The following NAALADL2 variants were observed in gnomAD, a reference collection of about 807,000 sequenced individuals.
The protein encoded by NAALADL2 is inactive N-acetylated-alpha-linked acidic dipeptidase-like protein 2.
A neutral mutation model predicts 87.2 loss-of-function variants in NAALADL2; 76 were observed. The observed-to-expected ratio is 0.87, with a 90% confidence interval of 0.72 to 1.05. NAALADL2 has a LOEUF of 1.05. NAALADL2 is among the 50% of genes least tolerant of loss of function. The probability of loss-of-function intolerance (pLI) is 0.00; values close to 1 mark genes in which losing one functional copy is unlikely to be tolerated. For missense variants in NAALADL2, 1,089 were observed against 945.8 expected, an observed-to-expected ratio of 1.15 and a Z score of -1.99; for synonymous variants, 354 against 331.0, an observed-to-expected ratio of 1.07 and a Z score of -0.75.
chr3:175,010,684 ATCTTCT>A (rs1260489164), intron 1 of NAALADL2, among the ~76,000 whole-genome samples: 4 of 152,100 alleles, frequency 2.6e-5, no homozygotes, highest in Non-Finnish European at 5.9e-5. Flanking sequence ...TGCTGATGAG[ATCTTCT>A]TGCCTATGTC....
At position 175,803,817 on chromosome 3, in the gene NAALADL2, T is replaced by G. The variant is rs1198817884; in HGVS notation, c.*614T>G. On this transcript the variant is annotated 3_prime_UTR_variant, in exon 14 of 14. Transcript: ENST00000454872. The stretch of plus-strand genomic sequence containing the variant: ...TTAATGAAAAAAGAGCCATAAGCAT[T>G]CCAGGAGAAAATCTCAAGGGAGCTA... 1 of 152,360 alleles carries G rather than the reference T, an allele frequency of 6.6e-6. No individual in the cohort carries two copies. The highest frequency in any genetic ancestry group is 1.5e-5 in the Non-Finnish European group (1 of 67,890). The allele number at this position is 152,360 out of a possible 1,614,324, so 9.4% of individuals were successfully genotyped here. A position where few individuals can be genotyped will look rare whatever the true frequency, so the allele number is the denominator to read the frequency against.
At chr3:175,393,896 G>T in intron 5 of NAALADL2, among the ~76,000 whole-genome samples, 1 of 152,142 alleles carries the variant, frequency 6.6e-6, no homozygotes, top group East Asian at 1.9e-4. Flanking sequence ...TTTTGGAGAT[G>T]AATTTAAGCC....
chr3:174,832,678 A>G (rs1722866607), intron 3 of NAALADL2, among the ~76,000 whole-genome samples: 1 of 151,978 alleles, frequency 6.6e-6, no homozygotes, highest in Non-Finnish European at 1.5e-5. Flanking sequence ...GTGTTAGCCA[A>G]GATGGTCTCG....
At chr3:174,442,025 GA>G (rs2108254641) in intron 1 of NAALADL2, among the ~76,000 whole-genome samples, 1 of 151,834 alleles carries the variant, frequency 6.6e-6, no homozygotes, top group South Asian at 2.1e-4. Flanking sequence ...TCTGTTGAAG[GA>G]ATACATCTTG....
chr3:175,394,899 C>T (rs1295398179), intron 5 of NAALADL2, among the ~76,000 whole-genome samples: 1 of 152,154 alleles, frequency 6.6e-6, no homozygotes, highest in Non-Finnish European at 1.5e-5. Flanking sequence ...ACAATTCATT[C>T]TTACCTCCGA....
At position 175,343,668 on chromosome 3, in the gene NAALADL2, TTTTTTTTTC is replaced by T. The variant is rs1281504257; in HGVS notation, c.1090+19344_1090+19352del. On this transcript the variant is annotated intron_variant, in intron 5 of 13. Coordinates refer to ENST00000454872, the MANE Select transcript of NAALADL2 (RefSeq NM_207015.3). ...TGTCTTGATCATGTTTTTTTTTTTT[TTTTTTTTTC>T]CCTTCCCACTGATCAAACTAGGAAA... Among the ~76,000 whole-genome samples the T allele has an allele frequency of 2.7e-5, 4 of 145,572 alleles. 1 individual carries two copies. The highest frequency in any genetic ancestry group is 4.5e-5 in the Non-Finnish European group (3 of 66,008).
chr3:174,692,252 GA>G (rs1481170797), intron 2 of NAALADL2, among the ~76,000 whole-genome samples: 1 of 152,174 alleles, frequency 6.6e-6, no homozygotes, highest in African/African-American at 2.4e-5. Context: ...AATCGATTTT[GA>G]AATCAAGTAA....
chr3:175,206,963 C>A (rs1285756191), intron 2 of NAALADL2, among the ~76,000 whole-genome samples: 1 of 151,974 alleles, frequency 6.6e-6, no homozygotes, highest in South Asian at 2.1e-4. Context: ...GCAGTGCATG[C>A]GAATATGTCA....
At chr3:175,132,974 G>T (rs1728393867) in intron 2 of NAALADL2, among the ~76,000 whole-genome samples, 2 of 151,630 alleles carry the variant, frequency 1.3e-5, no homozygotes, top group African/African-American at 4.8e-5. Flanking sequence ...CAGACGGGGC[G>T]GCCGGGCAGA....
intron 1 of NAALADL2, among the ~76,000 whole-genome samples, chr3:175,013,281 A>G (rs1750350879): frequency 1.3e-5 from 1 of 75,974 alleles, no homozygotes; most frequent in South Asian, 3.7e-4. Flanking sequence ...ATATATACAT[A>G]TATATATATA....
intron 3 of NAALADL2, among the ~76,000 whole-genome samples, chr3:174,776,986 A>G (rs1715293338): frequency 6.6e-6 from 1 of 152,150 alleles, no homozygotes. Context: ...GAAGTAGTGG[A>G]AAGCTATATA....
chr3:175,349,835 T>C (rs1220330713), intron 5 of NAALADL2, among the ~76,000 whole-genome samples: 1 of 152,116 alleles, frequency 6.6e-6, no homozygotes, highest in Non-Finnish European at 1.5e-5. Flanking sequence ...CTGGAAACTG[T>C]CTACCTGCTT....
In NAALADL2 at chr3:174,994,067, C is replaced by G. The variant is rs535800351; in HGVS notation, c.44-102723C>G. Among the ~76,000 whole-genome samples, 4 of 152,270 alleles carry G rather than the reference C, an allele frequency of 2.6e-5. No individual in the cohort carries two copies. The South Asian group carries it at 8.3e-4, about 32-fold the overall frequency. ...TTAACTTGCTTGCATCTGCAAAGAC[C>G]CTATTTCCAAATTCGATCACATTCA... On this transcript the variant is annotated intron_variant, in intron 1 of 13. Transcript: ENST00000454872.
intron 13 of NAALADL2, among the ~76,000 whole-genome samples, chr3:175,786,661 C>A (rs1320110985): frequency 6.6e-6 from 1 of 152,118 alleles, no homozygotes; most frequent in East Asian, 1.9e-4. Context: ...TCTCGTAGCT[C>A]AGAGTAATTT....
At chr3:175,017,359 T>G (rs1750976531) in intron 1 of NAALADL2, among the ~76,000 whole-genome samples, 1 of 152,086 alleles carries the variant, frequency 6.6e-6, no homozygotes. Context: ...CAACCATCCT[T>G]CAAGGTGGAT....
intron 2 of NAALADL2, among the ~76,000 whole-genome samples, chr3:174,600,394 A>G (rs907192091): frequency 1.3e-5 from 2 of 152,102 alleles, no homozygotes; most frequent in Admixed American, 6.6e-5. Flanking sequence ...TTTACAATAT[A>G]CCTTCAGTGA....
chr3:174,971,494 T>C (rs1579794378), intron 1 of NAALADL2, among the ~76,000 whole-genome samples: 1 of 152,188 alleles, frequency 6.6e-6, no homozygotes, highest in Non-Finnish European at 1.5e-5. Flanking sequence ...ACCCCTTTTA[T>C]GGTCTTTACA....
chr3:174,934,688 A>G (rs1737419091), intron 1 of NAALADL2, among the ~76,000 whole-genome samples: 1 of 152,040 alleles, frequency 6.6e-6, no homozygotes, highest in Admixed American at 6.6e-5. Flanking sequence ...ACAACAAAAA[A>G]CTATGTGATA....
chr3:175,481,335 CTGTGTGTGTG>C (rs3040504), intron 9 of NAALADL2, among the ~76,000 whole-genome samples: 4 of 143,904 alleles, frequency 2.8e-5, no homozygotes, highest in South Asian at 4.5e-4. Flanking sequence ...AACAATGCCA[CTGTGTGTGTG>C]TGTGTGTGTG....
Sources: allele counts gnomAD v4.1 joint callset (sites outside exome capture counted in the v4.1 genomes callset), GRCh38; gene constraint gnomAD v4.1.1; transcripts MANE v1.5; gene names NCBI Gene and HGNC (gene_info 2026-07-23, HGNC 2026-07-21).